Variants in PIAS2 observed in about 807,000 individuals in gnomAD.
PIAS2 encodes E3 SUMO-protein ligase PIAS2.
In PIAS2, 19 loss-of-function variants were observed where a neutral mutation model predicts 69.7. The observed-to-expected ratio is 0.27, with a 90% CI of 0.19 to 0.40. PIAS2 has a LOEUF of 0.40. Ranked by LOEUF, PIAS2 falls within the 10% of genes least tolerant of loss-of-function variation. PIAS2 has a pLI of 1.00. For missense variants in PIAS2, 624 were observed against 757.0 expected, an observed-to-expected ratio of 0.82 and a Z score of 2.06; for synonymous variants, 261 against 263.2, an observed-to-expected ratio of 0.99 and a Z score of 0.08.
chr18:46,873,659 G>C (rs2050713393), intron 2 of PIAS2, among the ~76,000 whole-genome samples: 1 of 152,152 alleles, frequency 6.6e-6, no homozygotes. Context: ...AATTTGGACT[G>C]AACAAGGTCT....
chr18:46,817,473 C>T (rs954191526), intron 12 of PIAS2: 13 of 954,028 alleles, frequency 1.4e-5, no homozygotes, highest in Non-Finnish European at 1.6e-5. Context: ...TTTGTTATTT[C>T]AATTCCAGTT....
rs1342489833 is a variant in PIAS2, at chr18:46,917,507, T to G, written c.-162A>C. 1 of 1,182,248 alleles carries G rather than the reference T, an allele frequency of 8.5e-7. No individual in the cohort carries two copies. Among genetic ancestry groups the G allele is most frequent in the Non-Finnish European group, 1.0e-6 (1 of 953,978 alleles). The allele number at this position is 1,182,248 out of a possible 1,614,324, so 73.2% of individuals were successfully genotyped here. A position where few individuals can be genotyped will look rare whatever the true frequency, so the allele number is the denominator to read the frequency against. ...CGCCGCTACAGCCGGGCCCGTCACG[T>G]GAACGGCGCGGGAGCTCCGCCTCCG... is the stretch of plus-strand genomic sequence containing the variant. On this transcript the variant is annotated 5_prime_UTR_variant, in exon 1 of 14. Coordinates refer to ENST00000585916, the MANE Select transcript of PIAS2 (RefSeq NM_004671.5).
At chr18:46,890,044 G>A (rs1202491499) in intron 2 of PIAS2, among the ~76,000 whole-genome samples, 1 of 152,194 alleles carries the variant, frequency 6.6e-6, no homozygotes, top group Non-Finnish European at 1.5e-5. Flanking sequence ...ACTACAGCAT[G>A]CTAGAACCTT....
chr18:46,813,132 A>G (rs2041147104), intron 13 of PIAS2, among the ~76,000 whole-genome samples: 1 of 152,134 alleles, frequency 6.6e-6, no homozygotes, highest in Non-Finnish European at 1.5e-5. Context: ...CATAAACGTA[A>G]AATACTTGTG....
At chr18:46,849,494 C>A (rs1330937097) in intron 5 of PIAS2, among the ~76,000 whole-genome samples, 1 of 152,044 alleles carries the variant, frequency 6.6e-6, no homozygotes. Context: ...ACCAGTGGGG[C>A]AAATATGCGA....
intron 11 of PIAS2, among the ~76,000 whole-genome samples, chr18:46,824,514 A>G (rs1187149284): frequency 6.6e-6 from 1 of 152,186 alleles, no homozygotes; most frequent in Non-Finnish European, 1.5e-5. Flanking sequence ...AGATTAACAT[A>G]CAAGTTTCTT....
At chr18:46,814,811 C>T (rs1321361990) in intron 13 of PIAS2, among the ~76,000 whole-genome samples, 5 of 152,186 alleles carry the variant, frequency 3.3e-5, no homozygotes, top group African/African-American at 1.2e-4. Flanking sequence ...TAGGGTTTCT[C>T]ATCTTTGACA....
At chr18:46,833,700 A>C (rs1279352218) in intron 9 of PIAS2, among the ~76,000 whole-genome samples, 2 of 152,260 alleles carry the variant, frequency 1.3e-5, no homozygotes, top group Non-Finnish European at 2.9e-5. Context: ...AAATGGCCTA[A>C]GAAATACTAC....
In PIAS2 at chr18:46,856,853, T is replaced by C. The variant is rs1037608643; in HGVS notation, c.585-1238A>G. On this transcript the variant is annotated intron_variant, in intron 3 of 13. Transcript: ENST00000585916. ...TCTAACTGGGCCAGTCTACTCACCG[T>C]TCCCAATCCTCGAGCTCCACTGGAA... Among the ~76,000 whole-genome samples the C allele has an allele frequency of 3.8e-4, 58 of 152,202 alleles. 2 individuals carry two copies. The highest frequency in any genetic ancestry group is 4.4e-5 in the Non-Finnish European group (3 of 68,034).
At chr18:46,835,998 A>G (rs1049421999) in intron 9 of PIAS2, among the ~76,000 whole-genome samples, 2 of 152,178 alleles carry the variant, frequency 1.3e-5, no homozygotes, top group African/African-American at 4.8e-5. Context: ...TATCTACCCT[A>G]TCACTTCCTC....
rs913812098 is a variant in PIAS2 at position 46,803,344 on chromosome 18, T to C, written c.*9089A>G. On this transcript the variant is annotated 3_prime_UTR_variant, in exon 14 of 14. Coordinates refer to ENST00000585916, the MANE Select transcript of PIAS2 (RefSeq NM_004671.5). ...AATGGATACTTACTTTTTTAGGTTG[T>C]ATCAGCAGCTTTTAACTCCACTAAC... 3.9e-5 allele frequency: 6 copies of C among 152,210 alleles called. No individual in the cohort carries two copies. The highest frequency in any genetic ancestry group is 2.9e-5 in the Non-Finnish European group (2 of 68,022). 9.4% of individuals were successfully genotyped at this position (152,210 alleles called of 1,614,324 possible).
chr18:46,914,841 T>C (rs1249908550), intron 1 of PIAS2, among the ~76,000 whole-genome samples: 1 of 152,058 alleles, frequency 6.6e-6, no homozygotes, highest in Non-Finnish European at 1.5e-5. Context: ...ATGCCCAAAA[T>C]TTTTCCTGGT....
chr18:46,847,734 G>A (rs1452329434), intron 5 of PIAS2, among the ~76,000 whole-genome samples: 3 of 152,084 alleles, frequency 2.0e-5, no homozygotes, highest in African/African-American at 4.8e-5. Context: ...AGCCTGCCTC[G>A]GCCTTCCAAA....
chr18:46,832,995 G>A (rs542786186), intron 9 of PIAS2, among the ~76,000 whole-genome samples: 14 of 151,694 alleles, frequency 9.2e-5, no homozygotes, highest in Non-Finnish European at 1.6e-4. Flanking sequence ...TAGTACAACC[G>A]CTTTGGAAAA....
intron 1 of PIAS2, among the ~76,000 whole-genome samples, chr18:46,914,555 C>T (rs1257685165): frequency 7.1e-6 from 1 of 141,214 alleles, no homozygotes; most frequent in Non-Finnish European, 1.5e-5. Flanking sequence ...GAATAACCAA[C>T]CCTCCCCCCC....
At chr18:46,861,767 A>C (rs2048702322) in intron 3 of PIAS2, among the ~76,000 whole-genome samples, 1 of 152,138 alleles carries the variant, frequency 6.6e-6, no homozygotes, top group African/African-American at 2.4e-5. Context: ...AACAAACAAA[A>C]ACTAAGAAAC....
intron 12 of PIAS2, chr18:46,818,505 T>C: frequency 1.4e-6 from 2 of 1,437,236 alleles, no homozygotes; most frequent in Non-Finnish European, 1.9e-6. Flanking sequence ...AGAAATGTAT[T>C]AAAACTTTGT....
chr18:46,895,403 G>A (rs2054686710), intron 1 of PIAS2, among the ~76,000 whole-genome samples: 1 of 152,122 alleles, frequency 6.6e-6, no homozygotes, highest in Non-Finnish European at 1.5e-5. Context: ...GGACACGGTG[G>A]CTCACACCTG....
intron 3 of PIAS2, among the ~76,000 whole-genome samples, chr18:46,855,992 C>CTTTTTTTTTTTTTTT (rs1256937354): frequency 2.9e-5 from 2 of 69,142 alleles, no homozygotes; most frequent in African/African-American, 5.6e-5. Context: ...TTTTCTTTTT[C>CTTTTTTTTTTTTTTT]TTTTGTTTTT....
Sources: allele counts gnomAD v4.1 joint callset (sites outside exome capture counted in the v4.1 genomes callset), GRCh38; gene constraint gnomAD v4.1.1; transcripts MANE v1.5; gene names NCBI Gene and HGNC (gene_info 2026-07-23, HGNC 2026-07-21).